LPCAT2: variants seen among roughly 807,000 people sequenced by gnomAD.
LPCAT2 encodes 1-AGP acyltransferase 11.
A neutral mutation model predicts 64.7 loss-of-function variants in LPCAT2; 58 were observed. The ratio of observed to expected loss-of-function variants is 0.90; its 90% CI spans 0.73 to 1.12. LPCAT2 has a LOEUF of 1.12. LPCAT2 is among the 50% of genes most tolerant of loss of function. The pLI, the probability that LPCAT2 is intolerant of heterozygous loss-of-function variation, is 0.00. For missense variants in LPCAT2, 579 were observed against 669.8 expected (o/e 0.86, Z 1.50); for synonymous variants, 252 against 245.3 (o/e 1.03, Z -0.26).
intron 8 of LPCAT2, among the ~76,000 whole-genome samples, chr16:55,544,098 T>TA (rs141228075): frequency 6.6e-6 from 1 of 152,318 alleles, no homozygotes; most frequent in African/African-American, 2.4e-5. Flanking sequence ...CTTTGGTGCA[T>TA]ACACTCCTTA....
chr16:55,522,749 G>A (rs1298923038), intron 1 of LPCAT2, among the ~76,000 whole-genome samples: 2 of 151,444 alleles, frequency 1.3e-5, no homozygotes, highest in Non-Finnish European at 3.0e-5. Flanking sequence ...GCAACAACTG[G>A]ATAAATTTAT....
At chr16:55,566,981 T>G in intron 11 of LPCAT2, 1 of 1,613,694 alleles carries the variant, frequency 6.2e-7, no homozygotes. Context: ...CCTCAGAAAG[T>G]GAGGAAGTTA....
At chr16:55,576,080 A>G (rs2142422547) in intron 12 of LPCAT2, among the ~76,000 whole-genome samples, 1 of 152,264 alleles carries the variant, frequency 6.6e-6, no homozygotes. Context: ...TTGGCCCTTA[A>G]TCACAGTAAT....
chr16:55,586,433 A>C lies in LPCAT2; in HGVS notation c.*3335A>C, dbSNP rs1310937138. 6.6e-6 allele frequency: 1 copy of C among 152,162 alleles called. No individual in the cohort carries two copies. Among genetic ancestry groups the C allele is most frequent in the Admixed American group, 6.5e-5 (1 of 15,276 alleles). The allele number at this position is 152,162 out of a possible 1,614,324, so 9.4% of individuals were successfully genotyped here. On this transcript the variant is annotated 3_prime_UTR_variant, in exon 14 of 14. Coordinates refer to ENST00000262134, the MANE Select transcript of LPCAT2 (RefSeq NM_017839.5). ...TCTATGCACATTAGCAAAATTTAAA[A>C]GATAGAGAAAAATATAAACAGAAAA... is the stretch of plus-strand genomic sequence containing the variant.
At chr16:55,567,368 G>A in intron 11 of LPCAT2, 1 of 1,613,726 alleles carries the variant, frequency 6.2e-7, no homozygotes, top group South Asian at 1.1e-5. Context: ...ATGGAGATAT[G>A]GATTTTAACA....
At chr16:55,580,833 C>T (rs575418115) in intron 13 of LPCAT2, among the ~76,000 whole-genome samples, 86 of 69,318 alleles carry the variant, frequency 1.2e-3, no homozygotes, top group African/African-American at 3.0e-3. Context: ...CTCATAGGAG[C>T]GCATGAACCC....
intron 1 of LPCAT2, among the ~76,000 whole-genome samples, chr16:55,514,742 G>A (rs59489133): frequency 4.8e-4 from 73 of 152,242 alleles, no homozygotes; most frequent in African/African-American, 1.7e-3. Context: ...CCCTGAGAAA[G>A]CCCAGACTTT....
At chr16:55,564,635 T>C (rs1484730416) in intron 11 of LPCAT2, among the ~76,000 whole-genome samples, 1 of 151,994 alleles carries the variant, frequency 6.6e-6, no homozygotes, top group Non-Finnish European at 1.5e-5. Context: ...GAAAATTATA[T>C]ATCCACATGC....
intron 11 of LPCAT2, among the ~76,000 whole-genome samples, chr16:55,553,497 T>C (rs1254044478): frequency 1.3e-5 from 2 of 152,236 alleles, no homozygotes; most frequent in Non-Finnish European, 2.9e-5. Context: ...TATCATGAGA[T>C]TGCAGCAATT....
At chr16:55,579,294 G>T in intron 13 of LPCAT2, 50 bp downstream of exon 13, 1 of 1,564,390 alleles carries the variant, frequency 6.4e-7, no homozygotes, top group South Asian at 1.2e-5. Flanking sequence ...AGGACATCCA[G>T]ACTATGGACT....
Position 55,583,162 on chromosome 16 carries a change from A to G in LPCAT2, c.*64A>G, listed in dbSNP as rs1963906484. The G allele has an allele frequency of 2.4e-6, 3 of 1,238,220 alleles. No homozygotes were observed. Among genetic ancestry groups the G allele is most frequent in the South Asian group, 3.3e-5 (2 of 61,200 alleles). 76.7% of individuals were successfully genotyped at this position (1,238,220 alleles called of 1,614,324 possible). ...CTTGAAATTGTAAAGGCACTTATTG[A>G]TAATACTTTTAATGTGTTGGTAATG... On this transcript the variant is annotated 3_prime_UTR_variant, in exon 14 of 14. Coordinates refer to ENST00000262134, the MANE Select transcript of LPCAT2 (RefSeq NM_017839.5).
intron 1 of LPCAT2, among the ~76,000 whole-genome samples, chr16:55,520,119 A>G (rs1179894789): frequency 6.6e-6 from 1 of 152,190 alleles, no homozygotes; most frequent in Non-Finnish European, 1.5e-5. Context: ...CAGACTAGAC[A>G]AAAGAATAAG....
intron 13 of LPCAT2, among the ~76,000 whole-genome samples, chr16:55,582,070 G>T (rs931670270): frequency 6.6e-6 from 1 of 152,166 alleles, no homozygotes; most frequent in Non-Finnish European, 1.5e-5. Context: ...ATAGAAAGTG[G>T]TGGGTAATAT....
At chr16:55,532,130 G>T (rs1376328703) in intron 5 of LPCAT2, 156 bp downstream of exon 5, 2 of 585,654 alleles carry the variant, frequency 3.4e-6, no homozygotes, top group African/African-American at 3.8e-5. Context: ...AGAACTTACT[G>T]CTTTGCTTTC....
intron 11 of LPCAT2, among the ~76,000 whole-genome samples, chr16:55,555,085 C>T (rs1278610912): frequency 6.6e-6 from 1 of 152,130 alleles, no homozygotes; most frequent in Non-Finnish European, 1.5e-5. Flanking sequence ...GGAGAATTAT[C>T]AACACGTGAC....
chr16:55,572,585 C>G (rs1963782185), intron 11 of LPCAT2, among the ~76,000 whole-genome samples: 1 of 149,916 alleles, frequency 6.7e-6, no homozygotes, highest in Non-Finnish European at 1.5e-5. Context: ...CTTTAATACT[C>G]TGCCTTCTCT....
chr16:55,580,694 C>G (rs1963878209), intron 13 of LPCAT2, among the ~76,000 whole-genome samples: 1 of 152,120 alleles, frequency 6.6e-6, no homozygotes, highest in Non-Finnish European at 1.5e-5. Context: ...GTTCCCAACC[C>G]TTAGGCCATG....
rs1963951073 is a variant in LPCAT2 at position 55,586,651 on chromosome 16, C to T, written c.*3553C>T. 1.4e-5 allele frequency: 2 copies of T among 144,634 alleles called. No individual in the cohort carries two copies. The highest frequency in any genetic ancestry group is 1.4e-4 in the Admixed American group (2 of 14,216). 9.0% of individuals were successfully genotyped at this position (144,634 alleles called of 1,614,324 possible). On this transcript the variant is annotated 3_prime_UTR_variant, in exon 14 of 14. Coordinates refer to ENST00000262134, the MANE Select transcript of LPCAT2 (RefSeq NM_017839.5). ...GTGTAATCATTCTTCTAATATTAAA[C>T]ATATTGTGTCCAGAATTTATTTCTT...
chr16:55,562,377 T>C (rs1501999), intron 11 of LPCAT2, among the ~76,000 whole-genome samples: 13,337 of 151,950 alleles, frequency 0.088, 832 homozygotes, highest in African/African-American at 0.17. Flanking sequence ...CTCAGTAGAA[T>C]TCATTGATCC....
Sources: allele counts gnomAD v4.1 joint callset (sites outside exome capture counted in the v4.1 genomes callset), GRCh38; gene constraint gnomAD v4.1.1; transcripts MANE v1.5; gene names NCBI Gene and HGNC (gene_info 2026-07-23, HGNC 2026-07-21).